The following NBEA variants were observed in gnomAD, a reference collection of about 807,000 sequenced individuals.
NBEA encodes the protein neurobeachin.
Under a neutral mutation model 343.4 loss-of-function variants are expected in NBEA, and 44 were observed. The ratio of observed to expected loss-of-function variants is 0.13; its 90% confidence interval spans 0.10 to 0.16. The LOEUF is 0.16. Ranked by LOEUF, NBEA falls within the 10% of genes least tolerant of loss-of-function variation. NBEA has a pLI of 1.00. For missense variants in NBEA, 2,555 were observed against 3,631.3 expected (o/e 0.70, Z 7.62); for synonymous variants, 1,175 against 1,238.7 (o/e 0.95, Z 1.08).
chr13:35,600,899 G>T (rs78032883), intron 47 of NBEA, among the ~76,000 whole-genome samples: 2 of 152,076 alleles, frequency 1.3e-5, no homozygotes, highest in African/African-American at 4.8e-5. Context: ...ACTTTGAGCC[G>T]CGTACGGTGG....
intron 43 of NBEA, among the ~76,000 whole-genome samples, chr13:35,552,281 C>G (rs959176566): frequency 6.6e-6 from 1 of 152,200 alleles, no homozygotes; most frequent in Non-Finnish European, 1.5e-5. Flanking sequence ...CTAATTGCAG[C>G]AGTGCTTTTT....
rs760922318 is a variant in NBEA at position 35,654,996 on chromosome 13, A to G, written c.8177A>G (p.Tyr2726Cys). 1.9e-6 allele frequency: 3 copies of G among 1,544,428 alleles called. No individual in the cohort carries two copies. The highest frequency in any genetic ancestry group is 2.2e-5 in the Admixed American group (1 of 45,304). The change falls in exon 54 of 59, where the codon TAT (tyrosine) becomes TGT (cysteine). Residue 2726 changes from tyrosine to cysteine, a missense_variant. By Grantham distance (194) the Tyr-to-Cys change is radical. Coordinates refer to ENST00000379939, the MANE Select transcript of NBEA (RefSeq NM_001385012.1). ...CGFWDKSFRV[Y>C]STETGKLTQI... ...TTCTGGGATAAGAGCTTCAGAGTTT[A>G]TTCTACAGAAACAGGTAATCCTAAC...
chr13:35,207,311 A>AT (rs1020898499), intron 31 of NBEA, among the ~76,000 whole-genome samples: 5 of 152,032 alleles, frequency 3.3e-5, no homozygotes, highest in East Asian at 1.9e-4. Context: ...CTTTAGGTAG[A>AT]TTTTTTTCAT....
At chr13:35,196,414 T>C (rs2072602653) in intron 31 of NBEA, 112 bp downstream of exon 31, 4 of 1,014,100 alleles carry the variant, frequency 3.9e-6, no homozygotes, top group Non-Finnish European at 2.8e-6. Flanking sequence ...TAGATTCTTA[T>C]TACAAAGACA....
chr13:35,355,527 A>G (rs1336047061), intron 38 of NBEA, among the ~76,000 whole-genome samples: 2 of 152,168 alleles, frequency 1.3e-5, no homozygotes, highest in African/African-American at 2.4e-5. Context: ...AGTAGTTATC[A>G]CAGAACCTTT....
intron 33 of NBEA, among the ~76,000 whole-genome samples, chr13:35,215,099 AT>A (rs922803517): frequency 1.3e-4 from 19 of 148,592 alleles, no homozygotes; most frequent in African/African-American, 2.2e-4. Flanking sequence ...TCCTGTAACT[AT>A]TTTTTTTTTA....
chr13:35,250,853 T>G (rs1042874133), intron 34 of NBEA, among the ~76,000 whole-genome samples: 1 of 152,214 alleles, frequency 6.6e-6, no homozygotes, highest in African/African-American at 2.4e-5. Context: ...CCATAAAAGC[T>G]TAACACATGG....
chr13:35,044,134 A>G (rs183905089), intron 2 of NBEA, among the ~76,000 whole-genome samples: 7 of 152,284 alleles, frequency 4.6e-5, no homozygotes, highest in African/African-American at 2.4e-5. Context: ...ATATGCACAT[A>G]AACACTCACA....
At chr13:35,176,130 A>G (rs559088661) in intron 27 of NBEA, among the ~76,000 whole-genome samples, 1 of 152,162 alleles carries the variant, frequency 6.6e-6, no homozygotes, top group East Asian at 1.9e-4. Flanking sequence ...TGGAATTGTA[A>G]TGGAAACCAA....
At chr13:35,135,728 T>A (rs2067684036) in intron 17 of NBEA, among the ~76,000 whole-genome samples, 1 of 151,604 alleles carries the variant, frequency 6.6e-6, no homozygotes, top group African/African-American at 2.4e-5. Context: ...AAAGAAGGGG[T>A]GTAGAATAGA....
chr13:35,615,581 G>A (rs994538618), intron 48 of NBEA, among the ~76,000 whole-genome samples: 4 of 152,082 alleles, frequency 2.6e-5, no homozygotes, highest in African/African-American at 9.7e-5. Context: ...CTGACCTCAG[G>A]TGATCCGCCT....
intron 38 of NBEA, among the ~76,000 whole-genome samples, chr13:35,422,240 T>C (rs1490318612): frequency 1.3e-5 from 2 of 151,714 alleles, no homozygotes; most frequent in Admixed American, 1.3e-4. Context: ...GTTGGTATGC[T>C]GCACCCATTA....
At position 35,293,383 on chromosome 13, in the gene NBEA, T is replaced by C. The variant is rs147978888; in HGVS notation, c.5838+2933T>C. On this transcript the variant is annotated intron_variant, in intron 35 of 58. Coordinates refer to ENST00000379939, the MANE Select transcript of NBEA (RefSeq NM_001385012.1). Reference sequence around the variant, plus strand: ...CTGTATTCTGGATTTTTTTCTGATATAGATCTTATGATACAAGTATATTTA... The same window carrying C: ...CTGTATTCTGGATTTTTTTCTGATACAGATCTTATGATACAAGTATATTTA... Among the ~76,000 whole-genome samples the C allele has an allele frequency of 3.0e-3, 455 of 152,174 alleles. 3 individuals are homozygous for C. The highest frequency in any genetic ancestry group is 0.018 in the South Asian group (88 of 4,824).
At chr13:35,238,496 C>A (rs1383633173) in intron 34 of NBEA, among the ~76,000 whole-genome samples, 2 of 152,154 alleles carry the variant, frequency 1.3e-5, no homozygotes, top group African/African-American at 4.8e-5. Context: ...AGCACCTTAG[C>A]CCTGAATCTT....
intron 41 of NBEA, among the ~76,000 whole-genome samples, chr13:35,536,066 C>T (rs908108025): frequency 6.6e-5 from 10 of 152,146 alleles, no homozygotes; most frequent in Admixed American, 3.3e-4. Flanking sequence ...AAAATAAATT[C>T]TCATGAACCC....
chr13:34,977,729 A>C (rs1343745696), intron 1 of NBEA, among the ~76,000 whole-genome samples: 2 of 152,222 alleles, frequency 1.3e-5, no homozygotes, highest in Admixed American at 6.5e-5. Context: ...AATGAGGTTC[A>C]GGATTTTGTT....
chr13:35,543,620 C>A (rs935101720), intron 41 of NBEA, among the ~76,000 whole-genome samples: 1 of 152,130 alleles, frequency 6.6e-6, no homozygotes, highest in South Asian at 2.1e-4. Flanking sequence ...TACCCCTCAA[C>A]AGATCTTATA....
intron 1 of NBEA, among the ~76,000 whole-genome samples, chr13:34,964,936 C>T (rs2152494291): frequency 6.6e-6 from 1 of 152,082 alleles, no homozygotes; most frequent in Admixed American, 6.6e-5. Context: ...GAGTAGAGGA[C>T]CCATCACAGA....
chr13:35,538,211 G>A (rs1216506874), intron 41 of NBEA, among the ~76,000 whole-genome samples: 1 of 152,148 alleles, frequency 6.6e-6, no homozygotes. Flanking sequence ...CTGGGGATGG[G>A]ATCCAGGTCT....
Sources: gnomAD v4.1 joint callset for allele counts (sites outside exome capture counted in the v4.1 genomes callset) on GRCh38, gnomAD v4.1.1 for gene constraint, MANE v1.5 for transcripts, NCBI Gene and HGNC (gene_info 2026-07-23, HGNC 2026-07-21) for gene names.